VIPR2: variants seen among roughly 807,000 people sequenced by gnomAD.
VIPR2 encodes the protein vasoactive intestinal polypeptide receptor 2.
Under a neutral mutation model 58.0 loss-of-function variants are expected in VIPR2, and 48 were observed. The ratio of observed to expected loss-of-function variants is 0.83; its 90% CI spans 0.66 to 1.05. The LOEUF is 1.05. Among genes scored for constraint, VIPR2 ranks in the 50% least tolerant of loss-of-function variants. The probability of loss-of-function intolerance (pLI) is 0.00; values close to 1 mark genes in which losing one functional copy is unlikely to be tolerated. For synonymous variants in VIPR2, 243 were observed against 235.2 expected (o/e 1.03, Z -0.30); for missense variants, 534 against 558.0 (o/e 0.96, Z 0.43).
rs567088530 is a variant in VIPR2 at position 159,071,245 on chromosome 7, A to G, written c.358-12667T>C. On this transcript the variant is annotated intron_variant, in intron 4 of 12. Transcript: ENST00000262178. ...AAGTTTATCTTCATTAGAGGTGGCC[A>G]AGCCAGCTCAGCAGTTTCAAGAACT... is the stretch of plus-strand genomic sequence containing the variant. Among the ~76,000 whole-genome samples the G allele has an allele frequency of 7.2e-5, 11 of 152,328 alleles. No individual in the cohort carries two copies. The South Asian group carries it at 2.1e-3, about 29-fold the overall frequency.
At chr7:159,078,499 A>G (rs6459919) in intron 4 of VIPR2, among the ~76,000 whole-genome samples, 32,986 of 152,148 alleles carry the variant, frequency 0.22, 6,112 homozygotes, top group African/African-American at 0.51. Flanking sequence ...GAAGTTTTCT[A>G]TGATCTGCTT....
chr7:159,054,408 A>G (rs547973114), intron 5 of VIPR2, among the ~76,000 whole-genome samples: 9 of 152,336 alleles, frequency 5.9e-5, no homozygotes, highest in African/African-American at 1.7e-4. Flanking sequence ...ACTCAGTCAC[A>G]GAGCTGGAGA....
In VIPR2 at chr7:159,098,297, G is replaced by A. The variant is rs565883322; in HGVS notation, c.357+5460C>T. Among the ~76,000 whole-genome samples the A allele has an allele frequency of 6.6e-6, 1 of 152,268 alleles. No individual in the cohort carries two copies. Among genetic ancestry groups the A allele is most frequent in the South Asian group, 2.1e-4 (1 of 4,814 alleles). ...CCTCAGTCTGCTGGTGGTGGTGCTC[G>A]AGAACTGTGGCTTACAGTGCGGGTG... On this transcript the variant is annotated intron_variant, in intron 4 of 12. Coordinates refer to ENST00000262178, the MANE Select transcript of VIPR2 (RefSeq NM_003382.5). This position sits in a 1 kb window ranked among gnomAD's most constrained non-coding sequence, Gnocchi z 5.2.
chr7:159,033,348 C>A (rs1343698198), intron 10 of VIPR2, among the ~76,000 whole-genome samples: 1 of 152,186 alleles, frequency 6.6e-6, no homozygotes, highest in African/African-American at 2.4e-5. Context: ...CGGCAGGGTT[C>A]CTGCCATGGT....
chr7:159,036,372 A>G (rs763896239), intron 7 of VIPR2, among the ~76,000 whole-genome samples: 1 of 151,984 alleles, frequency 6.6e-6, no homozygotes, highest in African/African-American at 2.4e-5. Flanking sequence ...GGATGTCCCA[A>G]ATTTGCACCC....
chr7:159,137,952 C>T (rs1052645708), intron 2 of VIPR2, among the ~76,000 whole-genome samples: 1 of 152,216 alleles, frequency 6.6e-6, no homozygotes, highest in Non-Finnish European at 1.5e-5. Flanking sequence ...ATCAGAGGAA[C>T]CTACTTCTCT....
At chr7:159,053,887 G>A (rs117628913) in intron 5 of VIPR2, among the ~76,000 whole-genome samples, 253 of 152,332 alleles carry the variant, frequency 1.7e-3, no homozygotes, top group Non-Finnish European at 3.2e-3. Flanking sequence ...AAGTTTAAGA[G>A]TTGATTTTTA....
intron 4 of VIPR2, among the ~76,000 whole-genome samples, chr7:159,060,732 C>A (rs1378700878): frequency 6.6e-6 from 1 of 152,056 alleles, no homozygotes; most frequent in East Asian, 1.9e-4. Flanking sequence ...AACCTATATT[C>A]ACTTCAACTA....
chr7:159,064,409 C>A (rs2540347), intron 4 of VIPR2, among the ~76,000 whole-genome samples: 42,754 of 151,898 alleles, frequency 0.28, 7,164 homozygotes, highest in Middle Eastern at 0.39. Context: ...GGGATGGAGA[C>A]GGAGTGGAAT....
At chr7:159,049,468 C>T (rs1034236621) in intron 5 of VIPR2, among the ~76,000 whole-genome samples, 1 of 152,170 alleles carries the variant, frequency 6.6e-6, no homozygotes, top group Non-Finnish European at 1.5e-5. Context: ...TGCTTTAGCT[C>T]TCCGGGCACA....
In VIPR2 at chr7:159,127,305, G is replaced by A. The variant is rs1563350076; in HGVS notation, c.151+15141C>T. ...AGAATTCTGAATTTCAGAAACAGCG[G>A]TTTGATTCTGGGTTGGGGTTCAGGT... On this transcript the variant is annotated intron_variant, in intron 2 of 12. Coordinates refer to ENST00000262178, the MANE Select transcript of VIPR2 (RefSeq NM_003382.5). This position sits in a 1 kb window ranked among gnomAD's most constrained non-coding sequence, Gnocchi z 4.6. Among the ~76,000 whole-genome samples the A allele has an allele frequency of 6.6e-6, 1 of 152,176 alleles. No homozygotes were observed. The highest frequency in any genetic ancestry group is 2.1e-4 in the South Asian group (1 of 4,828).
rs140054189 is a variant in VIPR2 at position 159,101,740 on chromosome 7, C to G, written c.357+2017G>C. ...TTCCTGTGGTAGTGAATGAGTCTCA[C>G]GAGATCCGACGAGGCGGTTCCGACT... On this transcript the variant is annotated intron_variant, in intron 4 of 12. Transcript: ENST00000262178. Among the ~76,000 whole-genome samples the G allele has an allele frequency of 3.4e-3, 467 of 137,748 alleles. 8 individuals carry two copies. The highest frequency in any genetic ancestry group is 0.014 in the African/African-American group (451 of 33,242). 90.4% of individuals were successfully genotyped at this position (137,748 alleles called of 152,430 possible).
At chr7:159,125,824 A>C (rs1484114374) in intron 2 of VIPR2, among the ~76,000 whole-genome samples, 2 of 152,092 alleles carry the variant, frequency 1.3e-5, no homozygotes, top group African/African-American at 4.8e-5. Context: ...CAAGGGCCCC[A>C]CGGTGTCCAT....
intron 3 of VIPR2, among the ~76,000 whole-genome samples, chr7:159,105,286 C>A (rs1322099478): frequency 6.6e-6 from 1 of 152,220 alleles, no homozygotes; most frequent in African/African-American, 2.4e-5. Flanking sequence ...CCTCCATGCA[C>A]TCCTGGCACA....
At chr7:159,100,091 A>G (rs1441430611) in intron 4 of VIPR2, among the ~76,000 whole-genome samples, 2 of 152,206 alleles carry the variant, frequency 1.3e-5, no homozygotes, top group East Asian at 1.9e-4. Context: ...CCACAGGTCA[A>G]TGTGGTCCCC....
At position 159,117,901 on chromosome 7, in the gene VIPR2, C is replaced by T. The variant is rs552934981; in HGVS notation, c.152-7982G>A. On this transcript the variant is annotated intron_variant, in intron 2 of 12. Transcript: ENST00000262178. ...AGCAAAGCCTCCTGAGACTGGCCAT[C>T]GGCTCGGATGACAGCTTGCCTCCAA... Among the ~76,000 whole-genome samples the T allele has an allele frequency of 7.2e-5, 11 of 152,310 alleles. No individual in the cohort carries two copies. In the South Asian group the frequency reaches 1.4e-3, roughly 20 times the overall value.
chr7:159,074,116 T>C (rs181275340), intron 4 of VIPR2, among the ~76,000 whole-genome samples: 4 of 152,364 alleles, frequency 2.6e-5, no homozygotes, highest in Admixed American at 2.0e-4. Context: ...TTGTGGATCA[T>C]GTAAGTCCAT....
At chr7:159,087,184 T>G (rs904955034) in intron 4 of VIPR2, among the ~76,000 whole-genome samples, 9 of 142,772 alleles carry the variant, frequency 6.3e-5, no homozygotes, top group South Asian at 2.3e-4. Context: ...AGGACTCGGA[T>G]AGTGAGATAT....
intron 2 of VIPR2, among the ~76,000 whole-genome samples, chr7:159,110,349 T>G (rs2129496292): frequency 6.6e-6 from 1 of 152,360 alleles, no homozygotes; most frequent in African/African-American, 2.4e-5. Context: ...GATTTTTCAC[T>G]GTCAAGATGC....
Sources: allele counts gnomAD v4.1 joint callset (sites outside exome capture counted in the v4.1 genomes callset), GRCh38; gene constraint gnomAD v4.1.1; non-coding constraint Gnocchi (gnomAD v3.1); transcripts MANE v1.5; gene names NCBI Gene and HGNC (gene_info 2026-07-23, HGNC 2026-07-21).